RUFY1: variants seen among roughly 807,000 people sequenced by gnomAD.
RUFY1 encodes the protein RUN and FYVE domain containing 1.
Under a neutral mutation model 94.6 loss-of-function variants are expected in RUFY1, and 54 were observed. The observed-to-expected ratio is 0.57, with a 90% CI of 0.46 to 0.72. The LOEUF is 0.72. Among genes scored for constraint, RUFY1 ranks in the 30% least tolerant of loss-of-function variants. RUFY1 has a pLI of 0.00. For synonymous variants in RUFY1, 396 were observed against 347.3 expected, an observed-to-expected ratio of 1.14 and a Z score of -1.56; for missense variants, 883 against 883.9, an observed-to-expected ratio of 1.00 and a Z score of 0.01.
At chr5:179,566,117 G>A (rs560970180) in intron 3 of RUFY1, among the ~76,000 whole-genome samples, 21 of 151,760 alleles carry the variant, frequency 1.4e-4, no homozygotes, top group East Asian at 3.9e-4. Flanking sequence ...CAGCATGGGC[G>A]ACTGAGCAAG....
chr5:179,567,479 C>G lies in RUFY1; in HGVS notation c.621C>G (p.Gly207=). ...LPELKTAVGR[G]RAWLYLALMQ... ...ATTCTAGGACAGCTGTGGGAAGAGGCCGAGCGTGGCTTTATCTTGCACTCA... is the reference window on the plus strand; with the variant it reads ...ATTCTAGGACAGCTGTGGGAAGAGGGCGAGCGTGGCTTTATCTTGCACTCA... Residue 207 remains glycine (G), a synonymous_variant, in exon 4 of 18, where the codon GGC becomes GGG. Coordinates refer to ENST00000319449, the MANE Select transcript of RUFY1 (RefSeq NM_025158.5). The G allele has an allele frequency of 6.2e-7, 1 of 1,613,744 alleles. No homozygotes were observed. Among genetic ancestry groups the G allele is most frequent in the South Asian group, 1.1e-5 (1 of 91,074 alleles).
chr5:179,569,215 C>G, intron 4 of RUFY1, 87 bp from the exon 5 acceptor site: 1 of 1,601,670 alleles, frequency 6.2e-7, no homozygotes, highest in Non-Finnish European at 8.5e-7. Flanking sequence ...CTCCAGGGCA[C>G]AGGTGAAAAG....
chr5:179,569,200 T>A, intron 4 of RUFY1, 102 bp from the exon 5 acceptor site: 3 of 1,591,912 alleles, frequency 1.9e-6, no homozygotes, highest in Non-Finnish European at 2.6e-6. Context: ...AGCAGTATCT[T>A]CTGGCTCCAG....
intron 5 of RUFY1, among the ~76,000 whole-genome samples, chr5:179,575,039 C>A (rs951823870): frequency 7.8e-6 from 1 of 128,038 alleles, no homozygotes; most frequent in East Asian, 2.7e-4. Flanking sequence ...CCCCACCCCC[C>A]GCCCCAGCCG....
intron 1 of RUFY1, among the ~76,000 whole-genome samples, chr5:179,552,576 C>G (rs1429217555): frequency 6.6e-6 from 1 of 152,118 alleles, no homozygotes; most frequent in African/African-American, 2.4e-5. Flanking sequence ...CACCTTTTCC[C>G]GAGACTTTTC....
In RUFY1 at chr5:179,609,610, C is replaced by G. The variant is rs1562136677; in HGVS notation, c.*91C>G. Reference sequence around the variant, plus strand: ...GAAATGTGTTCTTTCCCAAGAGTATCAAAGGAAAGAATCAAATTTCTTGCC... The same window carrying G: ...GAAATGTGTTCTTTCCCAAGAGTATGAAAGGAAAGAATCAAATTTCTTGCC... On this transcript the variant is annotated 3_prime_UTR_variant, in exon 18 of 18. Transcript: ENST00000319449. 1 of 1,255,414 alleles carries G rather than the reference C, an allele frequency of 8.0e-7. No homozygotes were observed. Among genetic ancestry groups the G allele is most frequent in the East Asian group, 2.8e-5 (1 of 36,106 alleles). 77.8% of individuals were successfully genotyped at this position (1,255,414 alleles called of 1,614,324 possible).
At chr5:179,597,471 C>T (rs745607887) in intron 13 of RUFY1, among the ~76,000 whole-genome samples, 47 of 152,058 alleles carry the variant, frequency 3.1e-4, no homozygotes, top group Non-Finnish European at 3.4e-4. Flanking sequence ...CTCCTCACCT[C>T]GTGATCCTCC....
intron 2 of RUFY1, 52 bp downstream of exon 2, chr5:179,560,250 T>C: frequency 1.3e-6 from 2 of 1,583,592 alleles, no homozygotes; most frequent in Non-Finnish European, 1.7e-6. Flanking sequence ...GGGTGTTTGC[T>C]CAGCATTTTT....
At chr5:179,580,058 T>C (rs566742235) in intron 6 of RUFY1, among the ~76,000 whole-genome samples, 3 of 152,202 alleles carry the variant, frequency 2.0e-5, no homozygotes, top group South Asian at 2.1e-4. Flanking sequence ...ACATATGTAA[T>C]ATTCCACACT....
intron 7 of RUFY1, 51 bp downstream of exon 7, chr5:179,581,063 C>A: frequency 2.6e-6 from 3 of 1,147,830 alleles, no homozygotes; most frequent in South Asian, 2.7e-5. Context: ...GGTATCCTGT[C>A]ATTGCTTCAT....
At chr5:179,607,954 G>A (rs144781313) in intron 17 of RUFY1, among the ~76,000 whole-genome samples, 2 of 152,220 alleles carry the variant, frequency 1.3e-5, no homozygotes, top group Non-Finnish European at 2.9e-5. Context: ...AGCTGCTCTA[G>A]GGGAGTGTCA....
chr5:179,604,713 G>A (rs1039204613), intron 15 of RUFY1, among the ~76,000 whole-genome samples: 1 of 152,156 alleles, frequency 6.6e-6, no homozygotes, highest in Non-Finnish European at 1.5e-5. Context: ...TGGGCGTGGG[G>A]GCTCAGGCCT....
intron 1 of RUFY1, chr5:179,559,778 A>C: frequency 4.9e-6 from 6 of 1,236,190 alleles, no homozygotes; most frequent in African/African-American, 1.6e-5. Context: ...GCCGTCTGGG[A>C]GAGGCCTCTG....
At chr5:179,583,238 T>G (rs1275864411) in intron 7 of RUFY1, among the ~76,000 whole-genome samples, 1 of 151,450 alleles carries the variant, frequency 6.6e-6, no homozygotes, top group Admixed American at 6.6e-5. Context: ...AGGCAGAGGT[T>G]GTGGTGAGCT....
intron 10 of RUFY1, among the ~76,000 whole-genome samples, chr5:179,592,706 T>G (rs1287821440): frequency 6.6e-6 from 1 of 152,230 alleles, no homozygotes; most frequent in Non-Finnish European, 1.5e-5. Context: ...TGTACCTGCT[T>G]TATTTCTTTG....
Position 179,596,810 on chromosome 5 carries a change from T to C in RUFY1, c.1631+129T>C, listed in dbSNP as rs1019297978. 6 of 818,244 alleles carry C rather than the reference T, an allele frequency of 7.3e-6. No individual in the cohort carries two copies. In the Admixed American group the frequency reaches 2.1e-4, roughly 28 times the overall value. 50.7% of individuals were successfully genotyped at this position (818,244 alleles called of 1,614,324 possible). On this transcript the variant is annotated intron_variant, in intron 13 of 17. Coordinates refer to ENST00000319449, the MANE Select transcript of RUFY1 (RefSeq NM_025158.5). The stretch of plus-strand genomic sequence containing the variant: ...GGCGGGGGGGCAGGTGGTATCCTGC[T>C]TCACCACTCACCCCTGCAGGGTTCG...
chr5:179,553,924 A>G (rs1294136620), intron 1 of RUFY1, among the ~76,000 whole-genome samples: 1 of 152,210 alleles, frequency 6.6e-6, no homozygotes, highest in Non-Finnish European at 1.5e-5. Context: ...CCCAAAGGTC[A>G]CCGGGATTTG....
intron 16 of RUFY1, 23 bp downstream of exon 16, chr5:179,605,947 T>G (rs1482437199): frequency 3.2e-6 from 5 of 1,550,736 alleles, no homozygotes; most frequent in Non-Finnish European, 4.4e-6. Context: ...TAAGAACCAC[T>G]TCTTTGCTGT....
At chr5:179,609,337 C>A (rs997727518) in intron 17 of RUFY1, 39 bp from the exon 18 acceptor site, 1 of 1,600,942 alleles carries the variant, frequency 6.2e-7, no homozygotes, top group Non-Finnish European at 8.5e-7. Context: ...GATGGCTTTT[C>A]CCCGGGTGTC....
Sources: allele counts gnomAD v4.1 joint callset (sites outside exome capture counted in the v4.1 genomes callset), GRCh38; gene constraint gnomAD v4.1.1; transcripts MANE v1.5; gene names NCBI Gene and HGNC (gene_info 2026-07-23, HGNC 2026-07-21).